SSC4D: variants seen among roughly 807,000 people sequenced by gnomAD.
SSC4D encodes the protein scavenger receptor cysteine rich family member with 4 domains.
A neutral mutation model predicts 63.4 loss-of-function variants in SSC4D; 57 were observed. The observed-to-expected ratio is 0.90, with a 90% CI of 0.73 to 1.12. The LOEUF is 1.12. SSC4D is among the 50% of genes most tolerant of loss of function. The probability of loss-of-function intolerance (pLI) is 0.00; values close to 1 mark genes in which losing one functional copy is unlikely to be tolerated. For missense variants in SSC4D, 791 were observed against 806.4 expected, an observed-to-expected ratio of 0.98 and a Z score of 0.23; for synonymous variants, 352 against 345.4, an observed-to-expected ratio of 1.02 and a Z score of -0.21.
intron 6 of SSC4D, 125 bp from the exon 7 acceptor site, chr7:76,395,455 G>GGCCACCAGCCC: frequency 1.0e-6 from 1 of 958,054 alleles, no homozygotes; most frequent in Non-Finnish European, 1.6e-6. Context: ...TCCAGGGCTG[G>GGCCACCAGCCC]TGGCCCAGCC....
At chr7:76,394,082 T>A (rs1804573685) in intron 7 of SSC4D, among the ~76,000 whole-genome samples, 178 bp from the exon 8 acceptor site, 1 of 152,138 alleles carries the variant, frequency 6.6e-6, no homozygotes, top group African/African-American at 2.4e-5. Flanking sequence ...GAAACTTGGT[T>A]GAATGAACCG....
intron 5 of SSC4D, 120 bp from the exon 6 acceptor site, chr7:76,397,952 C>G: frequency 9.5e-7 from 1 of 1,051,250 alleles, no homozygotes; most frequent in Non-Finnish European, 1.3e-6. Flanking sequence ...ACCCCGCTGC[C>G]CAGGGTACCG....
intron 4 of SSC4D, among the ~76,000 whole-genome samples, chr7:76,400,027 G>A (rs75006989): frequency 0.17 from 26,504 of 152,114 alleles, 2,567 homozygotes; most frequent in South Asian, 0.25. Context: ...AAGGGAGAGG[G>A]GCTCTGCTGG....
intron 6 of SSC4D, among the ~76,000 whole-genome samples, chr7:76,395,568 C>T (rs527635647): frequency 7.0e-4 from 107 of 152,306 alleles, no homozygotes; most frequent in Middle Eastern, 6.8e-3. Flanking sequence ...TCAACAGACA[C>T]GCTTTCATTT....
chr7:76,394,003 A>G (rs1391005132), intron 7 of SSC4D, 99 bp from the exon 8 acceptor site: 2 of 1,228,948 alleles, frequency 1.6e-6, no homozygotes, highest in East Asian at 2.7e-5. Context: ...CAACCCTACC[A>G]CACCCGTACC....
In SSC4D at chr7:76,398,816, G is replaced by T; in HGVS notation, c.476-19C>A. On this transcript the variant is annotated intron_variant, in intron 4 of 10. Transcript: ENST00000275560. ...AAGAATTCTGGAAAGGAAGTGAAGT[G>T]GATACAGGGGTCTTTCTGTTCTCCA... 1 of 1,610,030 alleles carries T rather than the reference G, an allele frequency of 6.2e-7. No homozygotes were observed. Among genetic ancestry groups the T allele is most frequent in the South Asian group, 1.1e-5 (1 of 90,942 alleles).
At chr7:76,401,125 A>G in intron 2 of SSC4D, 82 bp from the exon 3 acceptor site, 1 of 1,441,514 alleles carries the variant, frequency 6.9e-7, no homozygotes, top group South Asian at 1.4e-5. Context: ...CCCAACTCCC[A>G]CAGTCCTCAA....
chr7:76,392,879 T>C (rs1804523091), intron 9 of SSC4D, among the ~76,000 whole-genome samples: 1 of 152,056 alleles, frequency 6.6e-6, no homozygotes. Context: ...CTATGGGAAG[T>C]AGGGCCTACT....
chr7:76,407,244 A>G (rs1805065647), intron 1 of SSC4D, among the ~76,000 whole-genome samples: 1 of 152,176 alleles, frequency 6.6e-6, no homozygotes, highest in Non-Finnish European at 1.5e-5. Context: ...TACAGGTGTG[A>G]GCCACCAGGC....
In SSC4D at chr7:76,395,253, C is replaced by A. The variant is rs199812860; in HGVS notation, c.946G>T (p.Ala316Ser). 1 of 1,613,764 alleles carries A rather than the reference C, an allele frequency of 6.2e-7. No individual in the cohort carries two copies. The highest frequency in any genetic ancestry group is 2.2e-5 in the East Asian group (1 of 44,880). The change falls in exon 7 of 11, where the codon GCT (alanine) becomes TCT (serine). Residue 316 changes from alanine (A) to serine (S), a missense_variant and splice_region_variant. Coordinates refer to ENST00000275560, the MANE Select transcript of SSC4D (RefSeq NM_080744.2). The stretch of plus-strand genomic sequence containing the variant: ...CCGCCTGGAGGGCTGAGCTCTTTAC[C>A]GGACGGATCTGTCTGCCAAGCCCAG... ...EDWAWQTDPSATGVGPQPSRE... is the reference protein window; with the variant it reads ...EDWAWQTDPSSTGVGPQPSRE...
chr7:76,406,146 C>T (rs924898407), intron 1 of SSC4D, among the ~76,000 whole-genome samples: 6 of 151,996 alleles, frequency 3.9e-5, no homozygotes, highest in South Asian at 2.1e-4. Context: ...CCACCACGCC[C>T]GGCTCATTTT....
At position 76,392,420 on chromosome 7, in the gene SSC4D, T is replaced by C. The variant is rs920394060; in HGVS notation, c.1334-379A>G. 6.6e-5 allele frequency among the ~76,000 whole-genome samples: 10 copies of C among 151,844 alleles called. No individual in the cohort carries two copies. In the East Asian group the frequency reaches 1.9e-3, roughly 29 times the overall value. ...CAAAAATTAGCCAGGCGTGGTGGCA[T>C]GCACCTGTAGTCCCAGCTACTCAGG... On this transcript the variant is annotated intron_variant, in intron 9 of 10. Coordinates refer to ENST00000275560, the MANE Select transcript of SSC4D (RefSeq NM_080744.2).
intron 6 of SSC4D, 61 bp downstream of exon 6, chr7:76,397,457 G>T: frequency 7.0e-7 from 1 of 1,434,054 alleles, no homozygotes; most frequent in Non-Finnish European, 9.1e-7. Context: ...TCCTCCTCCA[G>T]CATTGCCACA....
In SSC4D at chr7:76,402,256, T is replaced by C. The variant is rs1019569763; in HGVS notation, c.134-1213A>G. Among the ~76,000 whole-genome samples, 25 of 151,056 alleles carry C rather than the reference T, an allele frequency of 1.7e-4. No homozygotes were observed. In the East Asian group the frequency reaches 3.7e-3, roughly 22 times the overall value. Reference sequence around the variant, plus strand: ...GCACAGTGGCATGATCTCATCTCACTGCAGCCTCTGCCTCCTGGGTTCAAG... The same window carrying C: ...GCACAGTGGCATGATCTCATCTCACCGCAGCCTCTGCCTCCTGGGTTCAAG... On this transcript the variant is annotated intron_variant, in intron 2 of 10. Coordinates refer to ENST00000275560, the MANE Select transcript of SSC4D (RefSeq NM_080744.2).
In SSC4D at chr7:76,401,112, C is replaced by G. The variant is rs972353983; in HGVS notation, c.134-69G>C. The G allele has an allele frequency of 4.1e-6, 6 of 1,466,946 alleles. No individual in the cohort carries two copies. In the Admixed American group the frequency reaches 1.5e-4, roughly 36 times the overall value. The allele number at this position is 1,466,946 out of a possible 1,614,324, so 90.9% of individuals were successfully genotyped here. Reference sequence around the variant, plus strand: ...ATGGCTCCCTGGTCCCAGGAACACACCCCCCAACTCCCACAGTCCTCAACA... The same window carrying G: ...ATGGCTCCCTGGTCCCAGGAACACAGCCCCCAACTCCCACAGTCCTCAACA... On this transcript the variant is annotated intron_variant, in intron 2 of 10. Transcript: ENST00000275560.
chr7:76,405,364 T>A (rs1273715169), intron 1 of SSC4D, among the ~76,000 whole-genome samples: 7 of 106,228 alleles, frequency 6.6e-5, no homozygotes, highest in Non-Finnish European at 1.4e-4. Flanking sequence ...TTTTTTTTGG[T>A]AGAGAGGGTG....
In SSC4D at chr7:76,393,697, C is replaced by A. The variant is rs758271086; in HGVS notation, c.1041G>T (p.Val347=). The change falls in exon 9 of 11, where the codon GTG becomes GTT. Residue 347 remains valine (V), a synonymous_variant. Transcript: ENST00000275560. ...GGCCGCGGCACGGACCCGGGCCGCC[C>A]ACCAGTCGCAGCCGTCCACCTGCGG... ...AGKKSGRLRL[V]GGPGPCRGRV... is the part of the protein sequence containing the mutation. The A allele has an allele frequency of 7.2e-7, 1 of 1,396,462 alleles. No individual in the cohort carries two copies. The highest frequency in any genetic ancestry group is 9.2e-7 in the Non-Finnish European group (1 of 1,083,288). 86.5% of individuals were successfully genotyped at this position (1,396,462 alleles called of 1,614,324 possible).
chr7:76,399,160 T>C (rs1274499705), intron 4 of SSC4D, among the ~76,000 whole-genome samples: 1 of 151,970 alleles, frequency 6.6e-6, no homozygotes, highest in African/African-American at 2.4e-5. Context: ...TACAGGTGCC[T>C]GCCACCATGC....
Position 76,390,266 on chromosome 7 carries a change from G to T in SSC4D, c.1521C>A (p.Ala507=), listed in dbSNP as rs201770621. 1 of 1,613,980 alleles carries T rather than the reference G, an allele frequency of 6.2e-7. No homozygotes were observed. The highest frequency in any genetic ancestry group is 2.2e-5 in the East Asian group (1 of 44,872). ...AGCCCAGCTGGCGGCACAGGACACC[G>T]GCTGCCCGCAGGTCCCAAGCATCAT... is the stretch of plus-strand genomic sequence containing the variant. ...VCDDAWDLRA[A]GVLCRQLGCG... is the part of the protein sequence containing the mutation. Residue 507 remains alanine (A), a synonymous_variant, in exon 11 of 11, where the codon GCC becomes GCA. Transcript: ENST00000275560.
Sources: allele counts gnomAD v4.1 joint callset (sites outside exome capture counted in the v4.1 genomes callset), GRCh38; gene constraint gnomAD v4.1.1; transcripts MANE v1.5; gene names NCBI Gene and HGNC (gene_info 2026-07-23, HGNC 2026-07-21).